The following BMP7 variants were observed in gnomAD, a reference collection of about 807,000 sequenced individuals.
The protein encoded by BMP7 is bone morphogenetic protein 7.
A neutral mutation model predicts 41.2 loss-of-function variants in BMP7; 12 were observed. The ratio of observed to expected loss-of-function variants is 0.29; its 90% CI spans 0.19 to 0.47. BMP7 has a LOEUF of 0.47. Among genes scored for constraint, BMP7 ranks in the 20% least tolerant of loss-of-function variants. BMP7 has a pLI of 0.99. For missense variants in BMP7, 467 were observed against 606.0 expected, an observed-to-expected ratio of 0.77 and a Z score of 2.41; for synonymous variants, 248 against 250.0, an observed-to-expected ratio of 0.99 and a Z score of 0.07.
chr20:57,246,414 C>G (rs1479162379), intron 1 of BMP7, among the ~76,000 whole-genome samples: 1 of 152,130 alleles, frequency 6.6e-6, no homozygotes, highest in Non-Finnish European at 1.5e-5. Flanking sequence ...CTGTAAAACC[C>G]CTATGTGTCT....
chr20:57,178,337 G>C (rs1309950740), intron 4 of BMP7, among the ~76,000 whole-genome samples: 5 of 152,146 alleles, frequency 3.3e-5, no homozygotes, highest in Admixed American at 1.3e-4. Context: ...TGGGCGGAGG[G>C]AAGATCTGCG....
chr20:57,210,826 T>G (rs567221293), intron 2 of BMP7, among the ~76,000 whole-genome samples: 1 of 152,346 alleles, frequency 6.6e-6, no homozygotes, highest in East Asian at 1.9e-4. Context: ...GAACAGGCCC[T>G]TGGAAATCCA....
At chr20:57,194,307 A>G (rs535358433) in intron 3 of BMP7, among the ~76,000 whole-genome samples, 1 of 152,100 alleles carries the variant, frequency 6.6e-6, no homozygotes, top group Non-Finnish European at 1.5e-5. Flanking sequence ...GGGCCAACAA[A>G]CTACAGCCTG....
intron 1 of BMP7, 151 bp downstream of exon 1, chr20:57,265,554 T>C (rs1568734544): frequency 3.1e-6 from 4 of 1,289,038 alleles, no homozygotes; most frequent in East Asian, 2.5e-5. Context: ...TTGGGAGTCA[T>C]AGGGCTGTGG....
chr20:57,218,485 T>C (rs528838709), intron 2 of BMP7, among the ~76,000 whole-genome samples: 9 of 149,600 alleles, frequency 6.0e-5, no homozygotes, highest in Non-Finnish European at 1.3e-4. Flanking sequence ...GTGTGTTCGG[T>C]GGTAGCTGGT....
intron 1 of BMP7, among the ~76,000 whole-genome samples, chr20:57,231,189 T>A (rs1403520750): frequency 6.6e-6 from 1 of 152,258 alleles, no homozygotes; most frequent in Non-Finnish European, 1.5e-5. Flanking sequence ...GTATCTGGCT[T>A]CTTCCATTTC....
rs1568735427 is a variant in BMP7 at position 57,266,575 on chromosome 20, C to T, written c.-453G>A. ...AACCTCCGGCGCGGATAGCAGGGGC[C>T]CCGGGGCGCTCTCCCAGCCTTGTGC... On this transcript the variant is annotated 5_prime_UTR_variant, in exon 1 of 7. Transcript: ENST00000395863. 6.5e-6 allele frequency: 1 copy of T among 152,934 alleles called. No individual in the cohort carries two copies. The highest frequency in any genetic ancestry group is 1.5e-5 in the Non-Finnish European group (1 of 68,558). 9.5% of individuals were successfully genotyped at this position (152,934 alleles called of 1,614,324 possible).
intron 3 of BMP7, among the ~76,000 whole-genome samples, chr20:57,194,795 C>G (rs1469709184): frequency 6.6e-6 from 1 of 152,220 alleles, no homozygotes; most frequent in Non-Finnish European, 1.5e-5. Flanking sequence ...AAGTCACCTA[C>G]CGGGGACCCA....
At chr20:57,198,552 C>T (rs931115289) in intron 3 of BMP7, among the ~76,000 whole-genome samples, 6 of 152,206 alleles carry the variant, frequency 3.9e-5, no homozygotes, top group African/African-American at 2.4e-5. Flanking sequence ...CGCGAGGGCA[C>T]GCTGGCCTGG....
intron 1 of BMP7, among the ~76,000 whole-genome samples, chr20:57,229,890 C>T (rs899719829): frequency 2.6e-5 from 4 of 152,206 alleles, no homozygotes; most frequent in Non-Finnish European, 4.4e-5. Flanking sequence ...TAAAAACAAT[C>T]TGGTTTAAAC....
At chr20:57,242,112 A>C (rs1164057205) in intron 1 of BMP7, among the ~76,000 whole-genome samples, 1 of 152,150 alleles carries the variant, frequency 6.6e-6, no homozygotes, top group Non-Finnish European at 1.5e-5. Context: ...ATTGAAATTG[A>C]GGGAAAAGAA....
intron 4 of BMP7, among the ~76,000 whole-genome samples, chr20:57,181,621 T>C (rs759305213): frequency 3.3e-5 from 5 of 152,228 alleles, no homozygotes; most frequent in Non-Finnish European, 5.9e-5. Flanking sequence ...AAGCGGATTA[T>C]AGCTCTGTGG....
intron 1 of BMP7, among the ~76,000 whole-genome samples, chr20:57,231,998 T>G (rs556992370): frequency 6.6e-6 from 1 of 152,380 alleles, no homozygotes; most frequent in South Asian, 2.1e-4. Flanking sequence ...GAGACAGGAC[T>G]GATCCCCATT....
At chr20:57,223,022 G>A (rs1038127795) in intron 2 of BMP7, among the ~76,000 whole-genome samples, 3 of 152,014 alleles carry the variant, frequency 2.0e-5, no homozygotes, top group Non-Finnish European at 4.4e-5. Flanking sequence ...AGGGAACATG[G>A]AATGTGTCAC....
intron 2 of BMP7, among the ~76,000 whole-genome samples, chr20:57,223,703 C>A (rs1247499987): frequency 6.6e-6 from 1 of 152,212 alleles, no homozygotes. Flanking sequence ...GCTGAAGTGT[C>A]CAGCACAGTC....
intron 1 of BMP7, among the ~76,000 whole-genome samples, chr20:57,263,604 C>G (rs534589287): frequency 2.0e-5 from 3 of 152,156 alleles, no homozygotes; most frequent in Non-Finnish European, 4.4e-5. Context: ...CAGCCAGGCT[C>G]TGAAGGCAGC....
rs543309698 is a variant in BMP7, at chr20:57,231,493, G to A, written c.419-3072C>T. On this transcript the variant is annotated intron_variant, in intron 1 of 6. Transcript: ENST00000395863. ...TGAGTATGCTAGGAGAGAGGTGGAAGAGACCAGGTCTGCCCCCTGAAGGAG... is the reference window on the plus strand; with the variant it reads ...TGAGTATGCTAGGAGAGAGGTGGAAAAGACCAGGTCTGCCCCCTGAAGGAG... 3.3e-5 allele frequency among the ~76,000 whole-genome samples: 5 copies of A among 152,350 alleles called. No individual in the cohort carries two copies. The South Asian group carries it at 8.3e-4, about 25-fold the overall frequency.
In BMP7 at chr20:57,266,256, T is replaced by C. The variant is rs112436170; in HGVS notation, c.-134A>G. On this transcript the variant is annotated 5_prime_UTR_variant, in exon 1 of 7. An upstream start codon of the reference 5' UTR is lost. Transcript: ENST00000395863. The stretch of plus-strand genomic sequence containing the variant: ...GGCCCCGCTGCGCCCGCGCCAGACA[T>C]GGCCCCTCCCCGGCCGGCCGCGCTC... 111 of 915,414 alleles carry C rather than the reference T, an allele frequency of 1.2e-4. No homozygotes were observed. The highest frequency in any genetic ancestry group is 1.5e-4 in the Non-Finnish European group (104 of 687,708). 56.7% of individuals were successfully genotyped at this position (915,414 alleles called of 1,614,324 possible).
At chr20:57,229,199 G>A (rs1020165343) in intron 1 of BMP7, among the ~76,000 whole-genome samples, 4 of 152,126 alleles carry the variant, frequency 2.6e-5, no homozygotes, top group African/African-American at 9.7e-5. Context: ...CACACAGTAG[G>A]CTCCAGCACA....
Sources: allele counts gnomAD v4.1 joint callset (sites outside exome capture counted in the v4.1 genomes callset), GRCh38; gene constraint gnomAD v4.1.1; transcripts MANE v1.5; gene names NCBI Gene and HGNC (gene_info 2026-07-23, HGNC 2026-07-21).